FILIP1: variants seen among roughly 807,000 people sequenced by gnomAD.
The protein encoded by FILIP1 is filamin A interacting protein 1, also known as filamin-A-interacting protein 1.
In FILIP1, 61 loss-of-function variants were observed where a neutral mutation model predicts 102.1. That is an observed-to-expected ratio of 0.60 (90% CI 0.49 to 0.74). The LOEUF (loss-of-function observed/expected upper bound fraction) is 0.74. Among genes scored for constraint, FILIP1 ranks in the 30% least tolerant of loss-of-function variants. The pLI is 0.00. For synonymous variants in FILIP1, 491 were observed against 526.9 expected, an observed-to-expected ratio of 0.93 and a Z score of 0.93; for missense variants, 1,314 against 1,441.2, an observed-to-expected ratio of 0.91 and a Z score of 1.43.
chr6:75,364,104 A>T (rs562023505), intron 2 of FILIP1, among the ~76,000 whole-genome samples: 1 of 152,326 alleles, frequency 6.6e-6, no homozygotes, highest in East Asian at 1.9e-4. Context: ...TTCATTACTG[A>T]GATGTCAGTG....
intron 4 of FILIP1, among the ~76,000 whole-genome samples, chr6:75,336,465 T>C (rs1774246019): frequency 6.6e-6 from 1 of 151,996 alleles, no homozygotes; most frequent in African/African-American, 2.4e-5. Flanking sequence ...TGTGAAAATA[T>C]AAACTTGTGG....
At chr6:75,442,119 C>T (rs1040419201) in intron 1 of FILIP1, among the ~76,000 whole-genome samples, 1 of 151,262 alleles carries the variant, frequency 6.6e-6, no homozygotes, top group Non-Finnish European at 1.5e-5. Context: ...CCAGATGGGG[C>T]GGCGGAGCAG....
chr6:75,354,902 T>C (rs146681440), intron 3 of FILIP1, among the ~76,000 whole-genome samples: 2,089 of 152,358 alleles, frequency 0.014, 25 homozygotes, highest in Middle Eastern at 0.041. Context: ...GAAAAGTATA[T>C]GTAGGATCCA....
chr6:75,474,574 C>T (rs1779420466), intron 1 of FILIP1, among the ~76,000 whole-genome samples: 1 of 152,140 alleles, frequency 6.6e-6, no homozygotes, highest in Non-Finnish European at 1.5e-5. Flanking sequence ...TTCTTTTTTT[C>T]TTCCAGCAGT....
At chr6:75,329,405 C>T (rs2149575577) in intron 4 of FILIP1, among the ~76,000 whole-genome samples, 1 of 152,342 alleles carries the variant, frequency 6.6e-6, no homozygotes, top group South Asian at 2.1e-4. Context: ...CACTTGTCCT[C>T]ATCTTAATCC....
chr6:75,403,696 G>C (rs1022380023), intron 2 of FILIP1, among the ~76,000 whole-genome samples: 5 of 152,090 alleles, frequency 3.3e-5, no homozygotes, highest in Non-Finnish European at 5.9e-5. Flanking sequence ...GATTAGATAG[G>C]AATGGTCATG....
intron 4 of FILIP1, chr6:75,319,106 C>T (rs1773549700): frequency 1.4e-6 from 1 of 734,820 alleles, no homozygotes; most frequent in African/African-American, 1.7e-5. Context: ...TCTTCCTCCT[C>T]TTCCTTCTTT....
At chr6:75,320,427 A>G (rs986184060) in intron 4 of FILIP1, among the ~76,000 whole-genome samples, 3 of 151,988 alleles carry the variant, frequency 2.0e-5, no homozygotes, top group Non-Finnish European at 2.9e-5. Context: ...AAAAACAAAA[A>G]TTAGCTGTGT....
At chr6:75,377,810 G>C (rs2149636376) in intron 2 of FILIP1, among the ~76,000 whole-genome samples, 1 of 152,342 alleles carries the variant, frequency 6.6e-6, no homozygotes, top group Non-Finnish European at 1.5e-5. Flanking sequence ...CCCTTCGCTA[G>C]AGAAAGTTTA....
chr6:75,295,449 A>G (rs1339392131), exon 7 of FILIP1: 1 of 152,306 alleles, frequency 6.6e-6, no homozygotes, highest in African/African-American at 2.4e-5. Flanking sequence ...ATATAGTTGT[A>G]CTTTCTTTTT....
At chr6:75,415,265 C>T (rs1794956785) in intron 1 of FILIP1, among the ~76,000 whole-genome samples, 1 of 151,848 alleles carries the variant, frequency 6.6e-6, no homozygotes, top group Non-Finnish European at 1.5e-5. Flanking sequence ...AATATTGGTT[C>T]ATTGATTGTA....
chr6:75,398,008 C>G (rs954534731), intron 2 of FILIP1: 40 of 152,102 alleles, frequency 2.6e-4, no homozygotes, highest in African/African-American at 8.9e-4. Flanking sequence ...TTGGCAAGGT[C>G]CATAGACGTC....
At chr6:75,339,880 A>G (rs368182725) in intron 4 of FILIP1, among the ~76,000 whole-genome samples, 43 of 151,628 alleles carry the variant, frequency 2.8e-4, no homozygotes, top group East Asian at 1.6e-3. Context: ...CCTGGGAGGC[A>G]GAGGTTGCAG....
chr6:75,302,586 A>G (rs150862538), intron 6 of FILIP1, among the ~76,000 whole-genome samples: 1 of 152,304 alleles, frequency 6.6e-6, no homozygotes, highest in African/African-American at 2.4e-5. Context: ...GAGAAAGGGC[A>G]ATACAAGGAG....
chr6:75,478,939 T>C (rs1779565555), intron 1 of FILIP1, among the ~76,000 whole-genome samples: 1 of 152,196 alleles, frequency 6.6e-6, no homozygotes, highest in East Asian at 1.9e-4. Flanking sequence ...TTCCACTTGC[T>C]CCTTGGTCCC....
rs146927892 is a variant in FILIP1, at chr6:75,484,712, G to A, written c.-7+8702C>T. Among the ~76,000 whole-genome samples the A allele has an allele frequency of 2.0e-3, 302 of 152,262 alleles. 3 individuals are homozygous for A. Among genetic ancestry groups the A allele is most frequent in the African/African-American group, 6.7e-3 (279 of 41,536 alleles). Reference sequence around the variant, plus strand: ...TGGTTTCAAGTGAGGTCAGAGTCTAGAGGTTTCCACTCCTTTTGGTTTCCT... The same window carrying A: ...TGGTTTCAAGTGAGGTCAGAGTCTAAAGGTTTCCACTCCTTTTGGTTTCCT... On this transcript the variant is annotated intron_variant, in intron 1 of 5. Transcript: ENST00000237172.
chr6:75,429,398 A>G (rs1777743191), intron 1 of FILIP1, among the ~76,000 whole-genome samples: 1 of 152,214 alleles, frequency 6.6e-6, no homozygotes, highest in Admixed American at 6.5e-5. Context: ...TGCTCCATCT[A>G]CAAGCTTGAT....
rs74296345 is a variant in FILIP1, at chr6:75,416,225, G to C, written c.-6-1247C>G. On this transcript the variant is annotated intron_variant, in intron 1 of 5. Coordinates refer to ENST00000237172, the MANE Select transcript of FILIP1 (RefSeq NM_015687.5). ...GGTTTGTAACACAAAAATTAACACA[G>C]TGTGATGTTTCCTTTCAGATAGTGA... Among the ~76,000 whole-genome samples the C allele has an allele frequency of 7.2e-3, 1,102 of 152,200 alleles. 36 individuals are homozygous for C. The East Asian group carries it at 0.11, about 15-fold the overall frequency.
chr6:75,466,945 C>T (rs1453253026), intron 1 of FILIP1, among the ~76,000 whole-genome samples: 5 of 152,150 alleles, frequency 3.3e-5, no homozygotes, highest in African/African-American at 7.2e-5. Flanking sequence ...CCTAGGATAT[C>T]CAAGGCAGAT....
Sources: gnomAD v4.1 joint callset for allele counts (sites outside exome capture counted in the v4.1 genomes callset) on GRCh38, gnomAD v4.1.1 for gene constraint, MANE v1.5 for transcripts, NCBI Gene and HGNC (gene_info 2026-07-23, HGNC 2026-07-21) for gene names.